The following FAT3 variants were observed in gnomAD, a reference collection of about 807,000 sequenced individuals.
FAT3 encodes protocadherin Fat 3.
Under a neutral mutation model 310.2 loss-of-function variants are expected in FAT3, and 95 were observed. That is an observed-to-expected ratio of 0.31 (90% confidence interval 0.26 to 0.36). The LOEUF is 0.36. Ranked by LOEUF, FAT3 falls within the 10% of genes least tolerant of loss-of-function variation. The pLI is 1.00. For synonymous variants in FAT3, 2,314 were observed against 2,192.9 expected (o/e 1.06, Z -1.54); for missense variants, 5,408 against 5,715.6 (o/e 0.95, Z 1.74).
intron 1 of FAT3, among the ~76,000 whole-genome samples, chr11:92,239,610 A>C (rs765596450): frequency 1.1e-4 from 16 of 152,038 alleles, no homozygotes; most frequent in Admixed American, 2.6e-4. Context: ...AGTCCATGTC[A>C]TGTTACTCCT....
rs540970355 is a variant in FAT3 at position 92,516,319 on chromosome 11, C to T, written c.3293-8315C>T. Reference sequence around the variant, plus strand: ...TCAAGTCGGCTTCATCCCTGGGATGCAAGGCTGGTTCAACATATGCAAATC... The same window carrying T: ...TCAAGTCGGCTTCATCCCTGGGATGTAAGGCTGGTTCAACATATGCAAATC... On this transcript the variant is annotated intron_variant, in intron 2 of 27. Transcript: ENST00000525166. 3.9e-5 allele frequency among the ~76,000 whole-genome samples: 6 copies of T among 152,234 alleles called. No individual in the cohort carries two copies. The East Asian group carries it at 5.8e-4, about 15-fold the overall frequency.
At chr11:92,396,168 A>G (rs1430806589) in intron 2 of FAT3, among the ~76,000 whole-genome samples, 1 of 152,152 alleles carries the variant, frequency 6.6e-6, no homozygotes, top group Non-Finnish European at 1.5e-5. Context: ...TCTGAAGGGA[A>G]TGGTGCACTT....
intron 2 of FAT3, among the ~76,000 whole-genome samples, chr11:92,521,095 C>T (rs986880546): frequency 5.3e-5 from 8 of 152,048 alleles, no homozygotes; most frequent in Admixed American, 2.6e-4. Flanking sequence ...TTCCAGGAAT[C>T]GCAAAGCAAT....
intron 1 of FAT3, among the ~76,000 whole-genome samples, chr11:92,233,768 T>C (rs1440835134): frequency 6.6e-6 from 1 of 152,224 alleles, no homozygotes; most frequent in Non-Finnish European, 1.5e-5. Context: ...TATTGCCAGA[T>C]CAATTCCCTA....
intron 2 of FAT3, among the ~76,000 whole-genome samples, chr11:92,415,079 G>A (rs1950379665): frequency 6.6e-6 from 1 of 152,066 alleles, no homozygotes; most frequent in African/African-American, 2.4e-5. Flanking sequence ...TATTTCTGCA[G>A]TGACATCGCT....
At chr11:92,505,458 G>T (rs1189006277) in intron 2 of FAT3, among the ~76,000 whole-genome samples, 1 of 152,170 alleles carries the variant, frequency 6.6e-6, no homozygotes, top group Non-Finnish European at 1.5e-5. Context: ...GAAAGTGCCA[G>T]TGTGGTGCTG....
intron 3 of FAT3, among the ~76,000 whole-genome samples, chr11:92,681,860 G>C (rs1389333414): frequency 6.6e-6 from 1 of 152,078 alleles, no homozygotes; most frequent in Non-Finnish European, 1.5e-5. Context: ...GAGGAGGGGG[G>C]CCCAAACTCA....
At position 92,690,102 on chromosome 11, in the gene FAT3, G is replaced by A. The variant is rs373780295; in HGVS notation, c.3608-7282G>A. 1.1e-4 allele frequency among the ~76,000 whole-genome samples: 17 copies of A among 152,258 alleles called. No individual in the cohort carries two copies. The South Asian group carries it at 3.3e-3, about 30-fold the overall frequency. On this transcript the variant is annotated intron_variant, in intron 3 of 27. Transcript: ENST00000525166. ...GCTTGTTCCCTTTGCTACCTGTAGC[G>A]GCTACAGAATCCTGAATCCAAAGGG...
At chr11:92,512,378 G>A (rs1953321988) in intron 2 of FAT3, among the ~76,000 whole-genome samples, 2 of 151,280 alleles carry the variant, frequency 1.3e-5, no homozygotes, top group Non-Finnish European at 2.9e-5. Context: ...AGACAGAAAA[G>A]GGCTAAGGAG....
intron 1 of FAT3, among the ~76,000 whole-genome samples, chr11:92,302,876 T>G (rs569393542): frequency 6.6e-6 from 1 of 152,168 alleles, no homozygotes; most frequent in Non-Finnish European, 1.5e-5. Context: ...TGGTATTTAC[T>G]TAATAACAAC....
intron 2 of FAT3, among the ~76,000 whole-genome samples, chr11:92,436,471 G>A (rs1441671404): frequency 6.6e-6 from 1 of 152,116 alleles, no homozygotes; most frequent in African/African-American, 2.4e-5. Context: ...CCAAAGTCCT[G>A]TTTGCCTTGC....
rs1949811970 is a variant in FAT3, at chr11:92,887,058, C to A, written c.12996C>A (p.Ser4332Arg). Residue 4332 changes from serine (S) to arginine (R), a missense_variant, in exon 25 of 28, where the codon AGC becomes AGA. Ser to Arg is a moderately radical substitution (Grantham distance 110, BLOSUM62 -1). This residue lies in a region of FAT3 where 649 missense variants were observed against 666.2 expected (regional missense o/e 0.97). Coordinates refer to ENST00000525166, the MANE Select transcript of FAT3 (RefSeq NM_001367949.2). ...GCTTTGCAGGTAGTAATAAAGGCAGCAACTCTGAAGTTCAGTCCCTCAGCT... is the reference window on the plus strand; with the variant it reads ...GCTTTGCAGGTAGTAATAAAGGCAGAAACTCTGAAGTTCAGTCCCTCAGCT... ...VTCFAGSNKG[S>R]NSEVQSLSSF... The A allele has an allele frequency of 1.9e-6, 3 of 1,611,846 alleles. No homozygotes were observed. The highest frequency in any genetic ancestry group is 2.2e-5 in the East Asian group (1 of 44,884).
intron 3 of FAT3, among the ~76,000 whole-genome samples, chr11:92,569,241 C>A (rs1248336678): frequency 6.6e-6 from 1 of 152,126 alleles, no homozygotes; most frequent in East Asian, 1.9e-4. Flanking sequence ...CCTTCATTTC[C>A]TTCTCAGTAA....
intron 2 of FAT3, among the ~76,000 whole-genome samples, chr11:92,402,748 A>G (rs186763380): frequency 6.3e-4 from 95 of 151,586 alleles, no homozygotes; most frequent in African/African-American, 2.2e-3. Context: ...AAAAAGAAAG[A>G]AAGAAAAGAA....
chr11:92,720,586 C>T (rs1265382164), intron 4 of FAT3, among the ~76,000 whole-genome samples: 3 of 152,190 alleles, frequency 2.0e-5, no homozygotes, highest in African/African-American at 7.2e-5. Context: ...CAGTATTCCA[C>T]ATTGGACGAA....
At chr11:92,372,759 C>T (rs1364707610) in intron 2 of FAT3, among the ~76,000 whole-genome samples, 2 of 152,052 alleles carry the variant, frequency 1.3e-5, no homozygotes, top group East Asian at 1.9e-4. Context: ...CTCCCGGGTT[C>T]ATGCCATTCT....
At chr11:92,542,014 C>T (rs892167025) in intron 3 of FAT3, among the ~76,000 whole-genome samples, 1 of 151,898 alleles carries the variant, frequency 6.6e-6, no homozygotes, top group Admixed American at 6.6e-5. Context: ...GAATTTTGTA[C>T]CTCAGAATGA....
intron 13 of FAT3, among the ~76,000 whole-genome samples, chr11:92,821,550 C>A (rs10765564): frequency 0.81 from 122,939 of 152,104 alleles, 49,898 homozygotes; most frequent in Non-Finnish European, 0.84. Flanking sequence ...ATCCTCCCTA[C>A]AGACTGAAAA....
intron 3 of FAT3, among the ~76,000 whole-genome samples, chr11:92,555,962 G>A (rs866689726): frequency 1.3e-5 from 2 of 152,124 alleles, no homozygotes; most frequent in African/African-American, 2.4e-5. Flanking sequence ...TAACAGCCTC[G>A]GTCTGCTCGG....
Sources: allele counts gnomAD v4.1 joint callset (sites outside exome capture counted in the v4.1 genomes callset), GRCh38; gene constraint gnomAD v4.1.1; regional missense constraint gnomAD v4.1.1; transcripts MANE v1.5; gene names NCBI Gene and HGNC (gene_info 2026-07-23, HGNC 2026-07-21).